Variants in TMEM183A observed in about 807,000 individuals in gnomAD.
TMEM183A encodes chromosome 1 open reading frame 37.
Under a neutral mutation model 46.7 loss-of-function variants are expected in TMEM183A, and 21 were observed. The ratio of observed to expected loss-of-function variants is 0.45; its 90% CI spans 0.32 to 0.65. The LOEUF (loss-of-function observed/expected upper bound fraction) is 0.65, where lower values mean the gene tolerates loss of function less well. Among genes scored for constraint, TMEM183A ranks in the 30% least tolerant of loss-of-function variants. The pLI, the probability that TMEM183A is intolerant of heterozygous loss-of-function variation, is 0.04. For synonymous variants in TMEM183A, 165 were observed against 180.2 expected, an observed-to-expected ratio of 0.92 and a Z score of 0.68; for missense variants, 331 against 481.9, an observed-to-expected ratio of 0.69 and a Z score of 2.93.
intron 3 of TMEM183A, among the ~76,000 whole-genome samples, chr1:203,010,168 T>TA (rs1344799329): frequency 1.3e-5 from 2 of 151,374 alleles, no homozygotes; most frequent in Non-Finnish European, 2.9e-5. Flanking sequence ...TAATAGTAAA[T>TA]GATGTATGTA....
At chr1:203,010,661 G>C (rs1280885729) in intron 3 of TMEM183A, among the ~76,000 whole-genome samples, 1 of 152,130 alleles carries the variant, frequency 6.6e-6, no homozygotes, top group Non-Finnish European at 1.5e-5. Flanking sequence ...TTATCTTCTT[G>C]TTGTTTTGGA....
chr1:203,020,982 CTT>C (rs71142585), intron 7 of TMEM183A, 34 bp downstream of exon 7: 44,030 of 1,190,948 alleles, frequency 0.037, 122 homozygotes, highest in African/African-American at 0.098. Flanking sequence ...TTCTCAGCTC[CTT>C]TTTTTTTTTT....
chr1:203,020,630 A>G (rs1468986403), intron 6 of TMEM183A, among the ~76,000 whole-genome samples, 163 bp from the exon 7 acceptor site: 1 of 152,182 alleles, frequency 6.6e-6, no homozygotes, highest in Non-Finnish European at 1.5e-5. Context: ...CCTTCTTTCA[A>G]AGGGTAGGTT....
rs777872549 is a variant in TMEM183A, at chr1:203,007,838, C to T, written c.174C>T (p.Ala58=). 3 of 1,614,044 alleles carry T rather than the reference C, an allele frequency of 1.9e-6. No homozygotes were observed. Among genetic ancestry groups the T allele is most frequent in the South Asian group, 2.2e-5 (2 of 91,086 alleles). The change falls in exon 2 of 8, where the codon GCC becomes GCT. Residue 58 remains alanine, a synonymous_variant. Transcript: ENST00000367242. ...TGAGGTCTGGACGAGTCAAGAAAGC[C>T]GTAGCCAACGCTGTTCAGCAGGAAG... ...AVVRSGRVKK[A]VANAVQQEVK...
At chr1:203,021,027 CT>C (rs869177251) in intron 7 of TMEM183A, 79 bp downstream of exon 7, 135,336 of 690,356 alleles carry the variant, frequency 0.2, 10 homozygotes, top group South Asian at 0.21. Flanking sequence ...AACCGCAGCT[CT>C]TTTTTTTTTT....
At chr1:203,010,120 C>G (rs1656413164) in intron 3 of TMEM183A, among the ~76,000 whole-genome samples, 1 of 143,318 alleles carries the variant, frequency 7.0e-6, no homozygotes, top group Admixed American at 7.1e-5. Context: ...AGCCTGGTGA[C>G]AGAGCAAGAC....
Position 203,010,149 on chromosome 1 carries a change from AG to A in TMEM183A, c.367+1340del, listed in dbSNP as rs1228990820. Among the ~76,000 whole-genome samples the A allele has an allele frequency of 5.9e-3, 896 of 151,756 alleles. 13 individuals carry two copies. Among genetic ancestry groups the A allele is most frequent in the African/African-American group, 0.021 (862 of 41,262 alleles). On this transcript the variant is annotated intron_variant, in intron 3 of 7. Coordinates refer to ENST00000367242, the MANE Select transcript of TMEM183A (RefSeq NM_138391.6). ...GCAAGACTCTGTCTCAAAAAAAAAA[AG>A]AAAAAAATAATAGTAAATGATGTAT...
Position 203,008,720 on chromosome 1 carries a change from A to G in TMEM183A, c.277A>G (p.Ile93Val), listed in dbSNP as rs1656250510. 1.9e-6 allele frequency: 3 copies of G among 1,610,410 alleles called. No individual in the cohort carries two copies. The highest frequency in any genetic ancestry group is 2.2e-5 in the East Asian group (1 of 44,572). ...ALSGAGEPCD[I>V]IDSSDEMDAQ... The stretch of plus-strand genomic sequence containing the variant: ...TTCTGGGGCTGGTGAGCCCTGTGAC[A>G]TCATCGACAGCAGTGATGAGATGGA... The change falls in exon 3 of 8, where the codon ATC becomes GTC. Residue 93 changes from isoleucine (I) to valine (V), a missense_variant. This residue lies in a region of TMEM183A where 233 missense variants were observed against 385.8 expected (regional missense o/e 0.60). Transcript: ENST00000367242.
intron 3 of TMEM183A, 97 bp downstream of exon 3, chr1:203,008,907 G>GATATAAGAT: frequency 8.0e-7 from 1 of 1,247,770 alleles, no homozygotes; most frequent in Admixed American, 3.7e-5. Flanking sequence ...TATAAGACGT[G>GATATAAGAT]ATACCAGGAG....
chr1:203,007,710 G>C, intron 1 of TMEM183A, 64 bp from the exon 2 acceptor site: 1 of 1,601,076 alleles, frequency 6.2e-7, no homozygotes, highest in Non-Finnish European at 8.5e-7. Flanking sequence ...CGAGGAGGAG[G>C]TGTTGGCGGG....
chr1:203,007,735 G>C (rs200957964), intron 1 of TMEM183A, 39 bp from the exon 2 acceptor site: 4 of 1,609,700 alleles, frequency 2.5e-6, no homozygotes, highest in East Asian at 4.5e-5. Context: ...ACGCTGACGA[G>C]AGAAGGCCTC....
chr1:203,009,103 A>G (rs1007671466), intron 3 of TMEM183A, among the ~76,000 whole-genome samples: 1 of 152,212 alleles, frequency 6.6e-6, no homozygotes, highest in Non-Finnish European at 1.5e-5. Flanking sequence ...TATCAGGTAA[A>G]AACCCATAAG....
chr1:203,014,874 T>C lies in TMEM183A; in HGVS notation c.368-15T>C, dbSNP rs1657014723. 1 of 1,610,234 alleles carries C rather than the reference T, an allele frequency of 6.2e-7. No individual in the cohort carries two copies. The highest frequency in any genetic ancestry group is 1.7e-5 in the Admixed American group (1 of 59,598). On this transcript the variant is annotated splice_polypyrimidine_tract_variant and intron_variant, in intron 3 of 7. Coordinates refer to ENST00000367242, the MANE Select transcript of TMEM183A (RefSeq NM_138391.6). ...TGGTGTAGAAGATCAGAGATTATTC[T>C]TTTTTTTGTTTCAGAAGAACTGGAC...
At chr1:203,015,797 G>C (rs1199296119) in intron 4 of TMEM183A, 163 bp from the exon 5 acceptor site, 2 of 809,984 alleles carry the variant, frequency 2.5e-6, no homozygotes, top group African/African-American at 3.5e-5. Flanking sequence ...ACAAGGCAAA[G>C]ACGTAAAAGT....
rs1330074218 is a variant in TMEM183A, at chr1:203,007,808, G to A, written c.144G>A (p.Ala48=). Residue 48 remains alanine, a synonymous_variant, in exon 2 of 8, where the codon GCG becomes GCA. Coordinates refer to ENST00000367242, the MANE Select transcript of TMEM183A (RefSeq NM_138391.6). ...CGGATTACGCCAACTCGGATCCGGC[G>A]GTCGTGAGGTCTGGACGAGTCAAGA... ...TVADYANSDP[A]VVRSGRVKKA... is the part of the protein sequence containing the mutation. 6.2e-7 allele frequency: 1 copy of A among 1,613,912 alleles called. No individual in the cohort carries two copies. Among genetic ancestry groups the A allele is most frequent in the African/African-American group, 1.3e-5 (1 of 74,938 alleles).
Position 203,008,780 on chromosome 1 carries a change from T to C in TMEM183A, c.337T>C (p.Ser113Pro), listed in dbSNP as rs200394167. The part of the protein sequence containing the change: ...QEESIHERTV[S>P]RKKKSKRHKE... The stretch of plus-strand genomic sequence containing the variant: ...GGAAAGCATCCATGAGAGAACTGTC[T>C]CCAGAAAAAAGAAAAGCAAGAGACA... Residue 113 changes from serine to proline, a missense_variant, in exon 3 of 8, where the codon TCC becomes CCC. This residue lies in a region of TMEM183A where 233 missense variants were observed against 385.8 expected (regional missense o/e 0.60). Transcript: ENST00000367242. 17 of 1,608,146 alleles carry C rather than the reference T, an allele frequency of 1.1e-5. No homozygotes were observed. In the East Asian group the frequency reaches 3.6e-4, roughly 34 times the overall value.
At chr1:203,010,227 A>G (rs1656430921) in intron 3 of TMEM183A, among the ~76,000 whole-genome samples, 1 of 152,230 alleles carries the variant, frequency 6.6e-6, no homozygotes, top group Admixed American at 6.5e-5. Context: ...TGAGAATCAG[A>G]TAATAGATAT....
Position 203,007,533 on chromosome 1 carries a change from A to G in TMEM183A, c.68A>G (p.Lys23Arg), listed in dbSNP as rs2102525173. 1.3e-6 allele frequency: 2 copies of G among 1,545,324 alleles called. No homozygotes were observed. The highest frequency in any genetic ancestry group is 1.7e-6 in the Non-Finnish European group (2 of 1,151,032). ...ACGGTCGCCATGCCCAAGAGAGGAAAGCGACTCAAGTTCCGGGCCCACGAC... is the reference window on the plus strand; with the variant it reads ...ACGGTCGCCATGCCCAAGAGAGGAAGGCGACTCAAGTTCCGGGCCCACGAC... The part of the protein sequence containing the change: ...PDTVAMPKRG[K>R]RLKFRAHDAC... Residue 23 changes from lysine to arginine, a missense_variant, in exon 1 of 8, where the codon AAG becomes AGG. Transcript: ENST00000367242.
chr1:203,020,980 T>A, intron 7 of TMEM183A, 32 bp downstream of exon 7: 1 of 1,162,432 alleles, frequency 8.6e-7, no homozygotes, highest in Non-Finnish European at 1.2e-6. Context: ...CATTCTCAGC[T>A]CCTTTTTTTT....
Sources: allele counts gnomAD v4.1 joint callset (sites outside exome capture counted in the v4.1 genomes callset), GRCh38; gene constraint gnomAD v4.1.1; regional missense constraint gnomAD v4.1.1; transcripts MANE v1.5; gene names NCBI Gene and HGNC (gene_info 2026-07-23, HGNC 2026-07-21).